The following ZDHHC24 variants were observed in gnomAD, a reference collection of about 807,000 sequenced individuals.
The protein encoded by ZDHHC24 is probable palmitoyltransferase ZDHHC24.
ZDHHC24 carries 17 observed loss-of-function variants against 23.2 expected under a neutral mutation model. The observed-to-expected ratio is 0.73, with a 90% CI of 0.50 to 1.10. The LOEUF is 1.10. Ranked by LOEUF, ZDHHC24 falls within the 50% of genes least tolerant of loss-of-function variation. The pLI is 0.00. For missense variants in ZDHHC24, 366 were observed against 393.0 expected, an observed-to-expected ratio of 0.93 and a Z score of 0.58; for synonymous variants, 186 against 194.5, an observed-to-expected ratio of 0.96 and a Z score of 0.36.
chr11:66,523,529 C>A (rs762268360), intron 4 of ZDHHC24: 1 of 1,614,146 alleles, frequency 6.2e-7, no homozygotes, highest in Non-Finnish European at 8.5e-7. Context: ...ACACAAGGTC[C>A]TAGTGGTGGG....
At chr11:66,523,076 G>A in intron 4 of ZDHHC24, 1 of 456,646 alleles carries the variant, frequency 2.2e-6, no homozygotes, top group Non-Finnish European at 4.4e-6. Context: ...ACAGGGCAAA[G>A]CTCTTCATCC....
At chr11:66,521,287 C>G in exon 5 of ZDHHC24, 1 of 1,614,178 alleles carries the variant, frequency 6.2e-7, no homozygotes, top group South Asian at 1.1e-5. Flanking sequence ...TTCCCAGCGT[C>G]CCCGTCTTCC....
downstream of ZDHHC24, chr11:66,531,552 C>A (rs1856780417): frequency 2.0e-6 from 3 of 1,467,314 alleles, no homozygotes; most frequent in African/African-American, 1.4e-5. Flanking sequence ...GCCCACCCTG[C>A]AGGGGTGCTG....
rs768443448 is a variant in ZDHHC24, at chr11:66,526,753, C to T, written c.*21+183G>A. The T allele has an allele frequency of 8.7e-6, 14 of 1,614,090 alleles. No individual in the cohort carries two copies. The highest frequency in any genetic ancestry group is 6.7e-5 in the East Asian group (3 of 44,890). ...CCAGGCCATGAAACTCAATGTGCCC[C>T]GAAAGACCCGGCTTTACGTGGATCA... On this transcript the variant is annotated intron_variant, in intron 4 of 4. Transcript: ENST00000526986.
Position 66,545,871 on chromosome 11 carries a change from G to A in ZDHHC24, c.133C>T (p.Pro45Ser). 6.5e-7 allele frequency: 1 copy of A among 1,548,064 alleles called. No individual in the cohort carries two copies. The highest frequency in any genetic ancestry group is 1.2e-5 in the South Asian group (1 of 85,466). Residue 45 changes from proline to serine, a missense_variant, in exon 1 of 3, where the codon CCG becomes TCG. Transcript: ENST00000310442. This position sits in a 1 kb window ranked among gnomAD's most constrained non-coding sequence, Gnocchi z 4.5. ...AAGGCCCGGGCCAGGGGTCCCAGCG[G>A]CGGCGGCCCGGGACCGAGCACCAGC... ...YVLVLGPGPP[P>S]LGPLARALQL...
At chr11:66,532,091 GT>G, downstream of ZDHHC24, 1 of 1,540,394 alleles carries the variant, frequency 6.5e-7, no homozygotes, top group African/African-American at 1.4e-5. Context: ...AACTGGGCGG[GT>G]TTAGTGGCCC....
exon 3 of ZDHHC24, chr11:66,529,443 G>A: frequency 1.2e-6 from 1 of 840,096 alleles, no homozygotes; most frequent in Non-Finnish European, 2.0e-6. Context: ...TGGACACCAA[G>A]GACTCCTCTT....
At position 66,545,175 on chromosome 11, in the gene ZDHHC24, G is replaced by A. The variant is rs1857274688; in HGVS notation, c.281+548C>T. ...TTGCCTCAGCCTCCCCAGTAGCTGA[G>A]ATTACAGGCACGTGCCGCCATGCCC... On this transcript the variant is annotated intron_variant, in intron 1 of 2. Coordinates refer to ENST00000310442, the MANE Select transcript of ZDHHC24 (RefSeq NM_207340.3). The surrounding 1 kb of genome is among the most constrained non-coding windows in gnomAD (Gnocchi z 4.5). 6.6e-6 allele frequency among the ~76,000 whole-genome samples: 1 copy of A among 152,022 alleles called. No homozygotes were observed.
chr11:66,531,819 C>G (rs775322610), downstream of ZDHHC24: 1 of 1,612,796 alleles, frequency 6.2e-7, no homozygotes, highest in Non-Finnish European at 8.5e-7. Context: ...CCAACAAAGA[C>G]CTTAGGGGGC....
At chr11:66,523,998 G>A in intron 4 of ZDHHC24, 1 of 1,465,490 alleles carries the variant, frequency 6.8e-7, no homozygotes, top group Non-Finnish European at 9.3e-7. Context: ...CATTTGTTGA[G>A]GCCAGGCACA....
chr11:66,531,104 C>G, downstream of ZDHHC24: 1 of 1,584,976 alleles, frequency 6.3e-7, no homozygotes, highest in South Asian at 1.1e-5. Flanking sequence ...CACAGAGCCC[C>G]GCCAGGTCAG....
At chr11:66,534,650 CATT>C (rs2134855062), downstream of ZDHHC24, among the ~76,000 whole-genome samples, 1 of 151,866 alleles carries the variant, frequency 6.6e-6, no homozygotes, top group East Asian at 1.9e-4. Context: ...AAAATAAAGT[CATT>C]AGAGTTTTTA....
At chr11:66,523,199 GTGGGCGGAAGA>G (rs1293694603) in intron 4 of ZDHHC24, 4 of 611,236 alleles carry the variant, frequency 6.5e-6, no homozygotes, top group Non-Finnish European at 1.2e-5. Context: ...CATAGTGAAG[GTGGGCGGAAGA>G]CAAGACACCA....
intron 2 of ZDHHC24, among the ~76,000 whole-genome samples, chr11:66,541,807 G>A (rs1183987524): frequency 6.6e-6 from 1 of 152,136 alleles, no homozygotes; most frequent in African/African-American, 2.4e-5. Flanking sequence ...CCTGGAGTGT[G>A]TGGAGACAGA....
chr11:66,521,171 G>A (rs1856198085), exon 5 of ZDHHC24: 2 of 887,334 alleles, frequency 2.3e-6, no homozygotes, highest in South Asian at 2.7e-5. Flanking sequence ...TGAGGAGATT[G>A]GGACTTTAGA....
At chr11:66,520,803 A>C (rs1856182661), downstream of ZDHHC24, 3 of 249,124 alleles carry the variant, frequency 1.2e-5, no homozygotes, top group Non-Finnish European at 2.4e-5. Flanking sequence ...GTACAATCTC[A>C]GCTTACTGCA....
chr11:66,529,929 G>A (rs1416464603), intron 2 of ZDHHC24: 3 of 1,604,868 alleles, frequency 1.9e-6, no homozygotes, highest in African/African-American at 2.7e-5. Flanking sequence ...GACAGCCCGA[G>A]AGCCACTCAA....
chr11:66,534,985 C>G (rs180813414), downstream of ZDHHC24, among the ~76,000 whole-genome samples: 1 of 152,128 alleles, frequency 6.6e-6, no homozygotes, highest in Non-Finnish European at 1.5e-5. Flanking sequence ...CTCTGCCTCC[C>G]GGGCTCAAGT....
intron 1 of ZDHHC24, among the ~76,000 whole-genome samples, chr11:66,544,531 T>C (rs1857254151): frequency 6.6e-6 from 1 of 152,190 alleles, no homozygotes; most frequent in African/African-American, 2.4e-5. Flanking sequence ...TCTGGGAACA[T>C]ACATGCTGGG....
Sources: allele counts gnomAD v4.1 joint callset (sites outside exome capture counted in the v4.1 genomes callset), GRCh38; gene constraint gnomAD v4.1.1; non-coding constraint Gnocchi (gnomAD v3.1); transcripts MANE v1.5; gene names NCBI Gene and HGNC (gene_info 2026-07-23, HGNC 2026-07-21).